Variants in SCMH1 observed in about 807,000 individuals in gnomAD.
SCMH1 encodes Scm polycomb group protein homolog 1.
In SCMH1, 37 loss-of-function variants were observed where a neutral mutation model predicts 70.8. That is an observed-to-expected ratio of 0.52 (90% CI 0.40 to 0.69). SCMH1 has a LOEUF of 0.69. Ranked by LOEUF, SCMH1 falls within the 30% of genes least tolerant of loss-of-function variation. The probability of loss-of-function intolerance (pLI) is 0.00; values close to 1 mark genes in which losing one functional copy is unlikely to be tolerated. For missense variants in SCMH1, 607 were observed against 827.3 expected (o/e 0.73, Z 3.27); for synonymous variants, 292 against 307.4 (o/e 0.95, Z 0.52).
chr1:41,110,293 AT>A (rs1209448413), intron 8 of SCMH1, among the ~76,000 whole-genome samples: 2 of 152,080 alleles, frequency 1.3e-5, no homozygotes, highest in Non-Finnish European at 2.9e-5. Context: ...AGCTCAAGTA[AT>A]TTTTTTTAGA....
intron 1 of SCMH1, among the ~76,000 whole-genome samples, chr1:41,211,581 G>C (rs1365242539): frequency 6.6e-6 from 1 of 152,214 alleles, no homozygotes; most frequent in Non-Finnish European, 1.5e-5. Flanking sequence ...GTGTAAATTA[G>C]TTCAACCACT....
intron 10 of SCMH1, among the ~76,000 whole-genome samples, chr1:41,064,969 T>C (rs1331434956): frequency 6.6e-6 from 1 of 152,038 alleles, no homozygotes; most frequent in East Asian, 1.9e-4. Context: ...CACCAGAAAA[T>C]GAAATACCTG....
chr1:41,033,709 G>A (rs1644871775), intron 13 of SCMH1, among the ~76,000 whole-genome samples: 1 of 152,202 alleles, frequency 6.6e-6, no homozygotes, highest in African/African-American at 2.4e-5. Flanking sequence ...AGTAAGAGAG[G>A]AAACAGACTC....
At chr1:41,031,955 T>G (rs1248310826) in intron 13 of SCMH1, among the ~76,000 whole-genome samples, 1 of 152,000 alleles carries the variant, frequency 6.6e-6, no homozygotes, top group Non-Finnish European at 1.5e-5. Flanking sequence ...TATTAGGAGG[T>G]AGGACCTCTG....
chr1:41,240,657 T>C (rs1261599581), intron 1 of SCMH1, among the ~76,000 whole-genome samples: 2 of 152,042 alleles, frequency 1.3e-5, no homozygotes, highest in Non-Finnish European at 2.9e-5. Context: ...AAAGTGTTTA[T>C]AGACATTTTT....
chr1:41,227,031 C>A (rs964685203), intron 1 of SCMH1, among the ~76,000 whole-genome samples: 2 of 152,188 alleles, frequency 1.3e-5, no homozygotes, highest in Admixed American at 1.3e-4. Flanking sequence ...CATCCCCATC[C>A]CCCACCAACA....
At chr1:41,143,236 G>C in intron 5 of SCMH1, 124 bp from the exon 6 acceptor site, 1 of 669,960 alleles carries the variant, frequency 1.5e-6, no homozygotes, top group Non-Finnish European at 2.6e-6. Context: ...TAATAATTAA[G>C]AATGGTTTCA....
At chr1:41,161,491 C>T (rs1646027564) in intron 2 of SCMH1, 59 bp from the exon 3 acceptor site, 5 of 1,501,254 alleles carry the variant, frequency 3.3e-6, no homozygotes, top group Middle Eastern at 4.0e-4. Context: ...AATACTTTTC[C>T]AATTTGGCAG....
intron 1 of SCMH1, among the ~76,000 whole-genome samples, chr1:41,192,450 A>G (rs1651930306): frequency 6.6e-6 from 1 of 151,598 alleles, no homozygotes; most frequent in South Asian, 2.1e-4. Flanking sequence ...AATAAAGACA[A>G]TAATAGCAAT....
At chr1:41,061,535 C>A (rs1456295400) in intron 10 of SCMH1, among the ~76,000 whole-genome samples, 1 of 152,100 alleles carries the variant, frequency 6.6e-6, no homozygotes, top group African/African-American at 2.4e-5. Context: ...ACATATCATT[C>A]CTTAATGTGT....
rs987679957 is a variant in SCMH1, at chr1:41,133,656, C to T, written c.412+9222G>A. Among the ~76,000 whole-genome samples, 4 of 152,252 alleles carry T rather than the reference C, an allele frequency of 2.6e-5. No homozygotes were observed. In the East Asian group the frequency reaches 7.7e-4, roughly 29 times the overall value. On this transcript the variant is annotated intron_variant, in intron 6 of 14. Coordinates refer to ENST00000337495, the Ensembl canonical transcript of SCMH1. ...AACTACCATCAGAGAATACTATAAA[C>T]GCCTCTATGCAAATAAACTAGAAAA... is the stretch of plus-strand genomic sequence containing the variant.
intron 10 of SCMH1, among the ~76,000 whole-genome samples, chr1:41,063,399 G>A (rs899615294): frequency 2.0e-5 from 3 of 152,046 alleles, no homozygotes; most frequent in African/African-American, 7.2e-5. Flanking sequence ...CTTGAACCTG[G>A]GAGGTGGAAG....
At chr1:41,053,694 G>C (rs925367955) in intron 10 of SCMH1, among the ~76,000 whole-genome samples, 12 of 152,224 alleles carry the variant, frequency 7.9e-5, no homozygotes, top group African/African-American at 2.9e-4. Flanking sequence ...ACCAGAAATA[G>C]GGTGCTGCAG....
intron 10 of SCMH1, among the ~76,000 whole-genome samples, chr1:41,069,107 T>C (rs2148865334): frequency 6.6e-6 from 1 of 151,978 alleles, no homozygotes; most frequent in East Asian, 1.9e-4. Context: ...CCCCTGAAAA[T>C]GAAATGTTGA....
At chr1:41,093,535 T>G (rs1664250206) in intron 8 of SCMH1, among the ~76,000 whole-genome samples, 1 of 152,120 alleles carries the variant, frequency 6.6e-6, no homozygotes, top group African/African-American at 2.4e-5. Context: ...ATAAAAAAAG[T>G]TAATCAAAAT....
intron 10 of SCMH1, among the ~76,000 whole-genome samples, chr1:41,069,043 TTAATAA>T (rs934097559): frequency 6.6e-6 from 1 of 152,116 alleles, no homozygotes; most frequent in Non-Finnish European, 1.5e-5. Context: ...TAAGGTTGAA[TTAATAA>T]TAAGTACACA....
chr1:41,075,390 G>A, exon 9 of SCMH1: 1 of 1,614,134 alleles, frequency 6.2e-7, no homozygotes, highest in East Asian at 2.2e-5. Context: ...TGGTGCTGCT[G>A]TGGATGCTGG....
At chr1:41,072,690 C>T (rs1278247850) in intron 9 of SCMH1, among the ~76,000 whole-genome samples, 4 of 152,092 alleles carry the variant, frequency 2.6e-5, no homozygotes, top group Non-Finnish European at 5.9e-5. Context: ...AGCAAGGCCC[C>T]ATGTCTACAA....
chr1:41,162,874 C>T (rs1053127691), intron 2 of SCMH1: 4 of 152,322 alleles, frequency 2.6e-5, no homozygotes, highest in African/African-American at 9.6e-5. Flanking sequence ...TTGCTCAATA[C>T]AGCACCTCTT....
Sources: gnomAD v4.1 joint callset for allele counts (sites outside exome capture counted in the v4.1 genomes callset) on GRCh38, gnomAD v4.1.1 for gene constraint, MANE v1.5 for transcripts, NCBI Gene and HGNC (gene_info 2026-07-23, HGNC 2026-07-21) for gene names.